RFX7: variants seen among roughly 807,000 people sequenced by gnomAD.
RFX7 encodes DNA-binding protein RFX7.
RFX7 carries 26 observed loss-of-function variants against 111.8 expected under a neutral mutation model. The observed-to-expected ratio is 0.23, with a 90% CI of 0.17 to 0.32. The LOEUF (loss-of-function observed/expected upper bound fraction) is 0.32, where lower values mean the gene tolerates loss of function less well. Among genes scored for constraint, RFX7 ranks in the 10% least tolerant of loss-of-function variants. The pLI is 1.00. For missense variants in RFX7, 1,573 were observed against 1,772.9 expected (o/e 0.89, Z 2.02); for synonymous variants, 624 against 624.4 (o/e 1.00, Z 0.01).
chr15:56,198,909 C>G (rs2043169464), intron 2 of RFX7, among the ~76,000 whole-genome samples: 1 of 151,758 alleles, frequency 6.6e-6, no homozygotes, highest in South Asian at 2.1e-4. Context: ...GGCCTGTAAC[C>G]CAGCACTTTG....
intron 3 of RFX7, among the ~76,000 whole-genome samples, chr15:56,162,850 T>C (rs1316205117): frequency 1.3e-5 from 2 of 152,094 alleles, no homozygotes; most frequent in African/African-American, 4.8e-5. Flanking sequence ...CTCATTCAAG[T>C]AAATTCTGCA....
intron 5 of RFX7, among the ~76,000 whole-genome samples, chr15:56,123,596 G>A (rs561264001): frequency 2.6e-5 from 4 of 152,248 alleles, no homozygotes; most frequent in East Asian, 1.9e-4. Context: ...GTGGTATGCC[G>A]CCCAAGTCCA....
chr15:56,158,581 T>C (rs1567031748), intron 3 of RFX7, among the ~76,000 whole-genome samples: 1 of 152,138 alleles, frequency 6.6e-6, no homozygotes, highest in Admixed American at 6.5e-5. Context: ...CACTGCAGCC[T>C]CACATATTTT....
At chr15:56,160,713 T>C (rs1379724474) in intron 3 of RFX7, 2 of 152,034 alleles carry the variant, frequency 1.3e-5, no homozygotes, top group African/African-American at 4.8e-5. Flanking sequence ...ACAATCAACA[T>C]ACCTGATATT....
chr15:56,232,466 C>A (rs2043572164), intron 2 of RFX7, among the ~76,000 whole-genome samples: 1 of 152,158 alleles, frequency 6.6e-6, no homozygotes, highest in South Asian at 2.1e-4. Flanking sequence ...ATGGGAGGGG[C>A]TGCTATGAAG....
At chr15:56,121,846 C>G (rs531454802) in intron 5 of RFX7, among the ~76,000 whole-genome samples, 1 of 152,272 alleles carries the variant, frequency 6.6e-6, no homozygotes, top group African/African-American at 2.4e-5. Flanking sequence ...TTGCATCTTT[C>G]AACTCCAGAA....
At chr15:56,222,245 T>A (rs2043434270) in intron 2 of RFX7, among the ~76,000 whole-genome samples, 2 of 152,206 alleles carry the variant, frequency 1.3e-5, no homozygotes, top group African/African-American at 4.8e-5. Context: ...GTTGTTTCCC[T>A]ATGTATATCA....
At chr15:56,133,074 T>C (rs2042240219) in intron 5 of RFX7, among the ~76,000 whole-genome samples, 2 of 152,142 alleles carry the variant, frequency 1.3e-5, no homozygotes, top group South Asian at 4.1e-4. Context: ...ATTTCTTCTT[T>C]ATACATTTAT....
intron 5 of RFX7, among the ~76,000 whole-genome samples, chr15:56,133,384 C>G (rs1466040470): frequency 1.3e-5 from 2 of 151,888 alleles, no homozygotes; most frequent in African/African-American, 4.8e-5. Flanking sequence ...CTTTTAATGA[C>G]TATTAAAGGG....
intron 8 of RFX7, among the ~76,000 whole-genome samples, chr15:56,099,507 A>G (rs537259018): frequency 6.6e-6 from 1 of 152,228 alleles, no homozygotes; most frequent in Non-Finnish European, 1.5e-5. Context: ...GCCTCTGCCA[A>G]TGGCTCATAG....
At chr15:56,178,737 G>A (rs2042931221) in intron 3 of RFX7, among the ~76,000 whole-genome samples, 1 of 152,000 alleles carries the variant, frequency 6.6e-6, no homozygotes. Flanking sequence ...CTATTATTGT[G>A]GCTTTAAATC....
intron 5 of RFX7, among the ~76,000 whole-genome samples, chr15:56,104,486 G>A (rs548518358): frequency 4.6e-5 from 7 of 152,244 alleles, no homozygotes; most frequent in South Asian, 4.2e-4. Flanking sequence ...CCTTGTCTCC[G>A]CCTCACCTCT....
intron 6 of RFX7, 50 bp downstream of exon 6, chr15:56,103,504 A>T: frequency 8.6e-7 from 1 of 1,167,652 alleles, no homozygotes; most frequent in Non-Finnish European, 1.2e-6. Flanking sequence ...GATGTTCTAT[A>T]ACAAGTGAGA....
intron 3 of RFX7, among the ~76,000 whole-genome samples, chr15:56,151,277 ATGAAATAAAAAATGG>A (rs2042565801): frequency 6.6e-6 from 1 of 152,208 alleles, no homozygotes; most frequent in Admixed American, 6.5e-5. Context: ...CAAGGTTGAA[ATGAAATAAAAAATGG>A]TAAGGGCAGC....
chr15:56,218,447 G>C (rs2043390079), intron 2 of RFX7, among the ~76,000 whole-genome samples: 1 of 152,034 alleles, frequency 6.6e-6, no homozygotes, highest in African/African-American at 2.4e-5. Flanking sequence ...ACAATTTAAA[G>C]TATATAGAAG....
chr15:56,114,715 A>C (rs1489743308), intron 5 of RFX7, among the ~76,000 whole-genome samples: 1 of 152,100 alleles, frequency 6.6e-6, no homozygotes. Flanking sequence ...ATATAAAAAA[A>C]CTATCATATA....
At chr15:56,105,452 CA>C (rs1258086023) in intron 5 of RFX7, among the ~76,000 whole-genome samples, 1 of 152,088 alleles carries the variant, frequency 6.6e-6, no homozygotes, top group African/African-American at 2.4e-5. Flanking sequence ...CTATAATAAA[CA>C]TTAAAGAAAC....
intron 5 of RFX7, among the ~76,000 whole-genome samples, chr15:56,136,253 G>C (rs2042301230): frequency 6.9e-6 from 1 of 144,194 alleles, no homozygotes; most frequent in Admixed American, 7.0e-5. Context: ...CATGAGCATG[G>C]AATGTTCTTC....
upstream of RFX7, among the ~76,000 whole-genome samples, chr15:56,244,973 C>CAGCT (rs2043812762): frequency 6.6e-6 from 1 of 152,192 alleles, no homozygotes; most frequent in South Asian, 2.1e-4. Flanking sequence ...CCAAATGGAA[C>CAGCT]AGCTGTTCAG....
Sources: gnomAD v4.1 joint callset for allele counts (sites outside exome capture counted in the v4.1 genomes callset) on GRCh38, gnomAD v4.1.1 for gene constraint, MANE v1.5 for transcripts, NCBI Gene and HGNC (gene_info 2026-07-23, HGNC 2026-07-21) for gene names.